The following ERBIN variants were observed in gnomAD, a reference collection of about 807,000 sequenced individuals.
The protein encoded by ERBIN is erbb2 interacting protein, also known as densin-180-like protein.
In ERBIN, 60 loss-of-function variants were observed where a neutral mutation model predicts 158.4. The observed-to-expected ratio is 0.38, with a 90% CI of 0.31 to 0.47. The LOEUF (loss-of-function observed/expected upper bound fraction) is 0.47, where lower values mean the gene tolerates loss of function less well. ERBIN is among the 20% of genes least tolerant of loss of function. The pLI is 0.99. For missense variants in ERBIN, 1,610 were observed against 1,648.0 expected (o/e 0.98, Z 0.40); for synonymous variants, 594 against 557.2 (o/e 1.07, Z -0.93).
chr5:66,076,925 G>T lies in ERBIN; in HGVS notation c.4107G>T (p.Leu1369=). 1 of 1,607,172 alleles carries T rather than the reference G, an allele frequency of 6.2e-7. No individual in the cohort carries two copies. Residue 1369 remains leucine (L), a synonymous_variant, in exon 25 of 26, where the codon CTG becomes CTT. Coordinates refer to ENST00000284037, the MANE Select transcript of ERBIN (RefSeq NM_001253697.2). ...CTGAAGGACCAGCATCAAAATTACT[G>T]CAGCCAGGTGATAAAATTATTCAGG... ...VQPEGPASKL[L]QPGDKIIQAN...
At chr5:66,074,922 T>A in intron 22 of ERBIN, 102 bp from the exon 23 acceptor site, 1 of 959,536 alleles carries the variant, frequency 1.0e-6, no homozygotes, top group Non-Finnish European at 1.6e-6. Context: ...TTAATTAGAA[T>A]GTGAAAACTC....
At chr5:66,073,340 A>G (rs898841862) in intron 22 of ERBIN, among the ~76,000 whole-genome samples, 1 of 152,228 alleles carries the variant, frequency 6.6e-6, no homozygotes, top group Non-Finnish European at 1.5e-5. Context: ...CAGCAGAACC[A>G]GTTAATTACT....
chr5:66,022,110 T>C (rs1289288913), intron 8 of ERBIN, among the ~76,000 whole-genome samples: 1 of 152,122 alleles, frequency 6.6e-6, no homozygotes, highest in Non-Finnish European at 1.5e-5. Flanking sequence ...AACTGCTTGC[T>C]ATAGTATTGC....
chr5:65,975,823 G>C (rs956590470), intron 1 of ERBIN, among the ~76,000 whole-genome samples: 3 of 152,164 alleles, frequency 2.0e-5, no homozygotes, highest in African/African-American at 7.2e-5. Context: ...TTTTTAAGAT[G>C]AGAGACAAAA....
intron 1 of ERBIN, among the ~76,000 whole-genome samples, chr5:65,931,353 T>G (rs1743352773): frequency 1.3e-5 from 2 of 152,128 alleles, no homozygotes; most frequent in Admixed American, 1.3e-4. Flanking sequence ...AATAGAAAAA[T>G]GGAAAGATGA....
At chr5:66,055,661 G>A (rs1759512974) in intron 21 of ERBIN, among the ~76,000 whole-genome samples, 1 of 152,066 alleles carries the variant, frequency 6.6e-6, no homozygotes, top group Admixed American at 6.6e-5. Flanking sequence ...TGGCCCAAGT[G>A]TACAAGACAT....
intron 1 of ERBIN, among the ~76,000 whole-genome samples, chr5:65,934,658 T>C (rs1422897328): frequency 6.6e-6 from 1 of 152,212 alleles, no homozygotes; most frequent in Non-Finnish European, 1.5e-5. Flanking sequence ...ATTCACTTTA[T>C]GTGATTAAAG....
At chr5:65,987,900 C>A (rs1431878647) in intron 1 of ERBIN, among the ~76,000 whole-genome samples, 1 of 151,474 alleles carries the variant, frequency 6.6e-6, no homozygotes, top group Non-Finnish European at 1.5e-5. Context: ...ATTAACAGTG[C>A]CTGCCACATA....
chr5:66,049,794 A>T (rs1356658764), intron 19 of ERBIN, among the ~76,000 whole-genome samples: 1 of 152,132 alleles, frequency 6.6e-6, no homozygotes, highest in Non-Finnish European at 1.5e-5. Flanking sequence ...AGTTAAAAAA[A>T]AATTTGTAGC....
rs1561461460 is a variant in ERBIN, at chr5:66,075,206, AGGCCAT to A, written c.3941_3946del (p.Gly1314_His1315del). On this transcript the variant is annotated inframe_deletion, in exon 23 of 26. Transcript: ENST00000284037. ...CACAGCCCCATTGTTCTCCTAGACA[AGGCCAT>A]GAACTGGCAAAACAAGAGGTAAGAA... 6.2e-7 allele frequency: 1 copy of A among 1,614,220 alleles called. No homozygotes were observed. Among genetic ancestry groups the A allele is most frequent in the East Asian group, 2.2e-5 (1 of 44,884 alleles).
chr5:66,003,120 T>C (rs1753178831), intron 4 of ERBIN, among the ~76,000 whole-genome samples: 1 of 152,216 alleles, frequency 6.6e-6, no homozygotes, highest in Non-Finnish European at 1.5e-5. Flanking sequence ...CAATTTCCGG[T>C]TAGTTTTGAC....
intron 21 of ERBIN, among the ~76,000 whole-genome samples, chr5:66,066,014 A>G (rs756849606): frequency 6.6e-6 from 1 of 152,228 alleles, no homozygotes; most frequent in Non-Finnish European, 1.5e-5. Context: ...GCCAGTGAAA[A>G]TTAACTCTTT....
At chr5:65,946,618 G>A (rs1014085041) in intron 1 of ERBIN, among the ~76,000 whole-genome samples, 3 of 152,120 alleles carry the variant, frequency 2.0e-5, no homozygotes, top group Non-Finnish European at 4.4e-5. Context: ...GTTTTTCTGT[G>A]AACATCCCAG....
chr5:65,985,791 T>G (rs1275006353), intron 1 of ERBIN, among the ~76,000 whole-genome samples: 1 of 152,218 alleles, frequency 6.6e-6, no homozygotes, highest in East Asian at 1.9e-4. Context: ...CTTCTGTTCT[T>G]TCTTGAATCC....
intron 1 of ERBIN, among the ~76,000 whole-genome samples, chr5:65,942,673 C>T (rs1745201000): frequency 6.6e-6 from 1 of 152,114 alleles, no homozygotes; most frequent in Non-Finnish European, 1.5e-5. Context: ...GCCTGTAATC[C>T]CAGCACTTTG....
intron 1 of ERBIN, among the ~76,000 whole-genome samples, chr5:65,946,754 T>C (rs1421364757): frequency 6.6e-6 from 1 of 152,104 alleles, no homozygotes; most frequent in Non-Finnish European, 1.5e-5. Flanking sequence ...AGAGATCTAG[T>C]TTTTCCACAT....
rs28696696 is a variant in ERBIN, at chr5:66,066,532, A to C, written c.3634-5637A>C. On this transcript the variant is annotated intron_variant, in intron 21 of 25. Transcript: ENST00000284037. Reference sequence around the variant, plus strand: ...TCCCACTGCCAAAAATAAAAAAAAAAAAACAAAAAAAACTGTACCTGGAAT... The same window carrying C: ...TCCCACTGCCAAAAATAAAAAAAAACAAACAAAAAAAACTGTACCTGGAAT... 5.5e-5 allele frequency among the ~76,000 whole-genome samples: 8 copies of C among 145,044 alleles called. No individual in the cohort carries two copies. The South Asian group carries it at 1.0e-3, about 19-fold the overall frequency.
At chr5:66,021,246 T>C (rs1755650611) in intron 7 of ERBIN, 76 bp from the exon 8 acceptor site, 1 of 796,020 alleles carries the variant, frequency 1.3e-6, no homozygotes, top group Non-Finnish European at 2.0e-6. Flanking sequence ...TCCATAAGAA[T>C]GTTTTAGACT....
At chr5:65,928,933 A>G (rs1319659684) in intron 1 of ERBIN, among the ~76,000 whole-genome samples, 8 of 152,204 alleles carry the variant, frequency 5.3e-5, no homozygotes, top group African/African-American at 1.9e-4. Flanking sequence ...GTGGATTTTC[A>G]AAGATTAAAT....
Sources: allele counts gnomAD v4.1 joint callset (sites outside exome capture counted in the v4.1 genomes callset), GRCh38; gene constraint gnomAD v4.1.1; transcripts MANE v1.5; gene names NCBI Gene and HGNC (gene_info 2026-07-23, HGNC 2026-07-21).